Variants in CAMK1D observed in about 807,000 individuals in gnomAD.
CAMK1D encodes the protein calcium/calmodulin-dependent protein kinase type 1D.
CAMK1D carries 9 observed loss-of-function variants against 47.7 expected under a neutral mutation model. The ratio of observed to expected loss-of-function variants is 0.19; its 90% CI spans 0.11 to 0.33. The LOEUF (loss-of-function observed/expected upper bound fraction) is 0.33. CAMK1D is among the 10% of genes least tolerant of loss of function. The pLI is 1.00. For missense variants in CAMK1D, 291 were observed against 488.7 expected, an observed-to-expected ratio of 0.60 and a Z score of 3.81; for synonymous variants, 184 against 184.9, an observed-to-expected ratio of 0.99 and a Z score of 0.04.
intron 10 of CAMK1D, among the ~76,000 whole-genome samples, chr10:12,827,484 T>G (rs762188931): frequency 0.027 from 217 of 8,174 alleles, 56 homozygotes; most frequent in Middle Eastern, 0.071. Context: ...CTTTCTTTCT[T>G]TCTTTCTTTC....
chr10:12,550,987 A>G (rs984560188), intron 1 of CAMK1D, among the ~76,000 whole-genome samples: 1 of 152,210 alleles, frequency 6.6e-6, no homozygotes, highest in East Asian at 1.9e-4. Context: ...CATTGCTGTC[A>G]GGTGGGCAAG....
In CAMK1D at chr10:12,443,632, T is replaced by C. The variant is rs1436781050; in HGVS notation, c.92+93722T>C. On this transcript the variant is annotated intron_variant, in intron 1 of 10. Transcript: ENST00000619168. ...CTGCTGGTTTCCTATTTTATTTTAT[T>C]TTTTTTTTTATTTTTGAGACGGAGT... Among the ~76,000 whole-genome samples the C allele has an allele frequency of 2.0e-5, 3 of 150,266 alleles. No homozygotes were observed. In the East Asian group the frequency reaches 6.0e-4, roughly 30 times the overall value.
chr10:12,474,218 T>TTTTTTTA (rs1833834118), intron 1 of CAMK1D, among the ~76,000 whole-genome samples: 3 of 147,676 alleles, frequency 2.0e-5, no homozygotes, highest in African/African-American at 7.5e-5. Flanking sequence ...TTTTTTTTTT[T>TTTTTTTA]GAGAGAGTCT....
At chr10:12,473,682 T>C (rs879303032) in intron 1 of CAMK1D, among the ~76,000 whole-genome samples, 12 of 152,186 alleles carry the variant, frequency 7.9e-5, no homozygotes, top group Non-Finnish European at 1.8e-4. Flanking sequence ...GGTGACTAGA[T>C]GGCGGAGTCG....
At chr10:12,577,817 C>T (rs1473034393) in intron 2 of CAMK1D, among the ~76,000 whole-genome samples, 1 of 152,224 alleles carries the variant, frequency 6.6e-6, no homozygotes, top group Non-Finnish European at 1.5e-5. Context: ...CATTTTCCTC[C>T]TTCCCCACCC....
intron 8 of CAMK1D, 47 bp downstream of exon 8, chr10:12,816,375 T>TGG (rs771621460): frequency 3.4e-6 from 5 of 1,476,848 alleles, no homozygotes; most frequent in Non-Finnish European, 4.7e-6. Context: ...TAATGCCATC[T>TGG]GGGGGGGGCA....
intron 2 of CAMK1D, among the ~76,000 whole-genome samples, chr10:12,629,313 T>C (rs1279391805): frequency 1.3e-5 from 2 of 152,208 alleles, no homozygotes; most frequent in Non-Finnish European, 2.9e-5. Context: ...GCCTTACCTT[T>C]TGGTTTCTAA....
At chr10:12,773,678 C>T (rs934713268) in intron 5 of CAMK1D, among the ~76,000 whole-genome samples, 14 of 152,052 alleles carry the variant, frequency 9.2e-5, no homozygotes, top group African/African-American at 3.1e-4. Context: ...AGATTACCTG[C>T]GGTCAGGAGT....
chr10:12,605,368 A>ATG (rs1564440636), intron 2 of CAMK1D, among the ~76,000 whole-genome samples: 1 of 77,724 alleles, frequency 1.3e-5, no homozygotes, highest in Admixed American at 1.3e-4. Context: ...GTGTGTGTGT[A>ATG]TGTGTGTCAA....
At chr10:12,752,745 C>T (rs752940461) in intron 3 of CAMK1D, among the ~76,000 whole-genome samples, 13 of 152,064 alleles carry the variant, frequency 8.5e-5, no homozygotes, top group Non-Finnish European at 1.5e-4. Flanking sequence ...AATTGTTCTC[C>T]GTAAGTTTTT....
intron 2 of CAMK1D, among the ~76,000 whole-genome samples, chr10:12,626,796 T>C (rs1309663524): frequency 6.6e-6 from 1 of 152,074 alleles, no homozygotes; most frequent in African/African-American, 2.4e-5. Flanking sequence ...TTCTTAAAAA[T>C]TTATTTCTAC....
At chr10:12,732,295 T>C (rs965765884) in intron 3 of CAMK1D, among the ~76,000 whole-genome samples, 1 of 152,104 alleles carries the variant, frequency 6.6e-6, no homozygotes, top group African/African-American at 2.4e-5. Flanking sequence ...GGCAGGGTCA[T>C]CTCCATGCAT....
intron 1 of CAMK1D, among the ~76,000 whole-genome samples, chr10:12,514,903 C>T (rs1312171106): frequency 3.9e-5 from 6 of 152,136 alleles, no homozygotes; most frequent in Admixed American, 2.0e-4. Context: ...CAGGCTGGAA[C>T]GCAGTGGTAT....
At position 12,491,149 on chromosome 10, in the gene CAMK1D, A is replaced by ATGTGTGTGTG. The variant is rs3062692; in HGVS notation, c.93-62064_93-62055dup. 4.0e-5 allele frequency among the ~76,000 whole-genome samples: 6 copies of ATGTGTGTGTG among 150,592 alleles called. No individual in the cohort carries two copies. The East Asian group carries it at 1.2e-3, about 29-fold the overall frequency. Reference sequence around the variant, plus strand: ...CTGCATCACTGGAGGGTATGAGAGTATGTGTGTGTGTGTGTGTGTGTCTGC... The same window carrying ATGTGTGTGTG: ...CTGCATCACTGGAGGGTATGAGAGTATGTGTGTGTGTGTGTGTGTGTGTGTGTGTGTCTGC... On this transcript the variant is annotated intron_variant, in intron 1 of 10. Coordinates refer to ENST00000619168, the MANE Select transcript of CAMK1D (RefSeq NM_153498.4).
At chr10:12,699,047 TA>T (rs1833409647) in intron 3 of CAMK1D, among the ~76,000 whole-genome samples, 1 of 152,034 alleles carries the variant, frequency 6.6e-6, no homozygotes, top group Non-Finnish European at 1.5e-5. Context: ...GGGGGATGCC[TA>T]ATGATGTCCT....
chr10:12,486,516 T>C (rs1430690989), intron 1 of CAMK1D, among the ~76,000 whole-genome samples: 1 of 127,052 alleles, frequency 7.9e-6, no homozygotes, highest in Admixed American at 8.3e-5. Context: ...TACCCACGTG[T>C]GCATGTGTGC....
chr10:12,374,046 G>A (rs1838093348), intron 1 of CAMK1D, among the ~76,000 whole-genome samples: 2 of 150,074 alleles, frequency 1.3e-5, no homozygotes, highest in East Asian at 3.9e-4. Flanking sequence ...GATCACTTGA[G>A]ATCAGGAGTG....
intron 8 of CAMK1D, among the ~76,000 whole-genome samples, chr10:12,818,753 A>G (rs1832905286): frequency 1.3e-5 from 2 of 152,178 alleles, no homozygotes; most frequent in African/African-American, 2.4e-5. Context: ...AGCCAAAACT[A>G]TCTGATTCCA....
At chr10:12,396,781 C>T (rs1838974781) in intron 1 of CAMK1D, among the ~76,000 whole-genome samples, 1 of 152,190 alleles carries the variant, frequency 6.6e-6, no homozygotes, top group East Asian at 1.9e-4. Context: ...ACGTAGGCTC[C>T]CCGTGGCCAT....
Sources: allele counts gnomAD v4.1 joint callset (sites outside exome capture counted in the v4.1 genomes callset), GRCh38; gene constraint gnomAD v4.1.1; transcripts MANE v1.5; gene names NCBI Gene and HGNC (gene_info 2026-07-23, HGNC 2026-07-21).